PCMTD1: variants seen among roughly 807,000 people sequenced by gnomAD.
The protein encoded by PCMTD1 is protein-L-isoaspartate O-methyltransferase domain-containing protein 1.
Under a neutral mutation model 37.6 loss-of-function variants are expected in PCMTD1, and 12 were observed. The ratio of observed to expected loss-of-function variants is 0.32; its 90% CI spans 0.20 to 0.52. The LOEUF is 0.52. Ranked by LOEUF, PCMTD1 falls within the 20% of genes least tolerant of loss-of-function variation. The pLI is 0.97. For missense variants in PCMTD1, 235 were observed against 421.3 expected, an observed-to-expected ratio of 0.56 and a Z score of 3.87; for synonymous variants, 117 against 135.8, an observed-to-expected ratio of 0.86 and a Z score of 0.96.
intron 3 of PCMTD1, among the ~76,000 whole-genome samples, chr8:51,841,756 A>G (rs796390285): frequency 6.6e-5 from 10 of 152,306 alleles, no homozygotes; most frequent in African/African-American, 2.4e-4. Context: ...CAAAAGCCAG[A>G]TATCTAAAGG....
chr8:51,868,524 G>A (rs992241064), intron 1 of PCMTD1, among the ~76,000 whole-genome samples: 1 of 152,080 alleles, frequency 6.6e-6, no homozygotes, highest in Non-Finnish European at 1.5e-5. Flanking sequence ...TGTGTTACAA[G>A]TATTATTTGA....
chr8:51,887,908 A>G (rs1439020335), intron 1 of PCMTD1, among the ~76,000 whole-genome samples: 2 of 151,834 alleles, frequency 1.3e-5, no homozygotes, highest in South Asian at 4.2e-4. Flanking sequence ...ACACTCAGCT[A>G]ATTTTTTTGT....
chr8:51,876,225 T>C (rs1175722761), intron 1 of PCMTD1, among the ~76,000 whole-genome samples: 1 of 152,194 alleles, frequency 6.6e-6, no homozygotes, highest in Non-Finnish European at 1.5e-5. Flanking sequence ...CTTTTGATTT[T>C]AGGTGCCAAT....
intron 2 of PCMTD1, among the ~76,000 whole-genome samples, chr8:51,855,227 G>A (rs374993171): frequency 2.8e-4 from 36 of 128,924 alleles, no homozygotes; most frequent in African/African-American, 7.2e-4. Context: ...TTCCTAAAAA[G>A]AAAAAAAAAA....
Position 51,887,350 on chromosome 8 carries a change from C to T in PCMTD1, c.-96+11580G>A, listed in dbSNP as rs1563363711. Among the ~76,000 whole-genome samples, 3 of 152,122 alleles carry T rather than the reference C, an allele frequency of 2.0e-5. No homozygotes were observed. In the South Asian group the frequency reaches 6.2e-4, roughly 32 times the overall value. On this transcript the variant is annotated intron_variant, in intron 1 of 5. Transcript: ENST00000522514. ...ATACAATCCATCTTAAAATGTATAC[C>T]GGCAGCCCAAATCCATCCCTTCTCC...
At chr8:51,830,756 A>G (rs2037986411) in intron 5 of PCMTD1, among the ~76,000 whole-genome samples, 1 of 152,148 alleles carries the variant, frequency 6.6e-6, no homozygotes, top group Admixed American at 6.5e-5. Flanking sequence ...AAATGCTGCC[A>G]CTAAATCTTG....
intron 5 of PCMTD1, among the ~76,000 whole-genome samples, chr8:51,822,731 T>C (rs2037866856): frequency 6.6e-6 from 1 of 152,130 alleles, no homozygotes; most frequent in East Asian, 1.9e-4. Context: ...CTGGAGATGC[T>C]AATCTCATGT....
At chr8:51,837,332 T>C (rs1038394695) in intron 3 of PCMTD1, among the ~76,000 whole-genome samples, 6 of 152,132 alleles carry the variant, frequency 3.9e-5, no homozygotes, top group Non-Finnish European at 7.4e-5. Flanking sequence ...AATACTCAAA[T>C]TTGAAAGTTT....
chr8:51,899,057 C>A (rs1015740614), upstream of PCMTD1: 12 of 1,504,774 alleles, frequency 8.0e-6, no homozygotes, highest in Non-Finnish European at 1.1e-5. Flanking sequence ...GGCCCGGACC[C>A]GCGACTGGAG....
At position 51,843,783 on chromosome 8, in the gene PCMTD1, GCA is replaced by G. The variant is rs200387347; in HGVS notation, c.410+1876_410+1877del. On this transcript the variant is annotated intron_variant, in intron 3 of 5. Coordinates refer to ENST00000522514, the MANE Select transcript of PCMTD1 (RefSeq NM_052937.4). ...ATAAGCTTGAGCTCCACAGACACTTGCACAGAGTTGCTTCACTGATTCAAGAG... is the reference window on the plus strand; with the variant it reads ...ATAAGCTTGAGCTCCACAGACACTTGCAGAGTTGCTTCACTGATTCAAGAG... 5.3e-3 allele frequency among the ~76,000 whole-genome samples: 804 copies of G among 152,186 alleles called. 3 individuals are homozygous for G. Among genetic ancestry groups the G allele is most frequent in the Non-Finnish European group, 9.0e-3 (611 of 67,996 alleles).
chr8:51,898,079 G>A (rs1276098016), intron 1 of PCMTD1, among the ~76,000 whole-genome samples: 1 of 151,982 alleles, frequency 6.6e-6, no homozygotes, highest in African/African-American at 2.4e-5. Context: ...TTTTCTCAAG[G>A]AGCAAGCAGT....
chr8:51,875,958 G>C (rs923442303), intron 1 of PCMTD1, among the ~76,000 whole-genome samples: 135 of 141,882 alleles, frequency 9.5e-4, no homozygotes, highest in African/African-American at 3.2e-3. Flanking sequence ...GTGTGTGTGT[G>C]TGTCTGTGTG....
At position 51,829,801 on chromosome 8, in the gene PCMTD1, T is replaced by C. The variant is rs575645819; in HGVS notation, c.706+1643A>G. ...AAAACAAAACAAATATTACTCCATA[T>C]AGTTTTCACAAACACCCAAAAGTCC... is the stretch of plus-strand genomic sequence containing the variant. On this transcript the variant is annotated intron_variant, in intron 5 of 5. Coordinates refer to ENST00000522514, the MANE Select transcript of PCMTD1 (RefSeq NM_052937.4). Among the ~76,000 whole-genome samples, 12 of 152,136 alleles carry C rather than the reference T, an allele frequency of 7.9e-5. 1 individual carries two copies. The highest frequency in any genetic ancestry group is 3.4e-3 in the Middle Eastern group (1 of 294).
intron 5 of PCMTD1, among the ~76,000 whole-genome samples, chr8:51,830,546 C>G (rs1240527323): frequency 6.6e-6 from 1 of 152,178 alleles, no homozygotes; most frequent in East Asian, 1.9e-4. Context: ...TTAGACAACA[C>G]TATCCACACC....
intron 3 of PCMTD1, among the ~76,000 whole-genome samples, chr8:51,843,580 T>A (rs537787773): frequency 6.9e-6 from 1 of 145,722 alleles, no homozygotes; most frequent in Non-Finnish European, 1.5e-5. Flanking sequence ...CCAGGGAAAT[T>A]TGAGTATTTT....
At chr8:51,878,174 C>T (rs1257774514) in intron 1 of PCMTD1, among the ~76,000 whole-genome samples, 2 of 152,070 alleles carry the variant, frequency 1.3e-5, no homozygotes, top group Non-Finnish European at 2.9e-5. Context: ...GGGTCACATG[C>T]AGCCCAGGAT....
Position 51,818,841 on chromosome 8 carries a change from T to A in PCMTD1, c.*1510A>T, listed in dbSNP as rs1336643361. 5.9e-5 allele frequency: 9 copies of A among 152,316 alleles called. No individual in the cohort carries two copies. The highest frequency in any genetic ancestry group is 2.2e-4 in the African/African-American group (9 of 41,484). 9.4% of individuals were successfully genotyped at this position (152,316 alleles called of 1,614,324 possible). ...TGAGATTTCTGAAACAATATCTGAA[T>A]CTTAGCAGAGAGATAATAATCCTTT... On this transcript the variant is annotated 3_prime_UTR_variant, in exon 6 of 6. Transcript: ENST00000522514.
At chr8:51,829,739 C>T (rs11782730) in intron 5 of PCMTD1, among the ~76,000 whole-genome samples, 104,311 of 151,854 alleles carry the variant, frequency 0.69, 42,294 homozygotes, top group Non-Finnish European at 0.9. Context: ...CACTGCATTA[C>T]GGCCTGGGTG....
At chr8:51,889,865 C>CGTGTGTGTGT (rs3075018) in intron 1 of PCMTD1, among the ~76,000 whole-genome samples, 1 of 149,028 alleles carries the variant, frequency 6.7e-6, no homozygotes, top group African/African-American at 2.5e-5. Flanking sequence ...TAAGGATATA[C>CGTGTGTGTGT]GTGTGTGTGT....
Sources: gnomAD v4.1 joint callset for allele counts (sites outside exome capture counted in the v4.1 genomes callset) on GRCh38, gnomAD v4.1.1 for gene constraint, MANE v1.5 for transcripts, NCBI Gene and HGNC (gene_info 2026-07-23, HGNC 2026-07-21) for gene names.